Variants in SYNJ2 observed in about 807,000 individuals in gnomAD.
SYNJ2 encodes the protein polyphosphatidylinositol phosphatase SYNJ2.
In SYNJ2, 116 loss-of-function variants were observed where a neutral mutation model predicts 141.3. The observed-to-expected ratio is 0.82, with a 90% CI of 0.71 to 0.96. The LOEUF is 0.96. Ranked by LOEUF, SYNJ2 falls within the 40% of genes least tolerant of loss-of-function variation. SYNJ2 has a pLI of 0.00. For synonymous variants in SYNJ2, 745 were observed against 777.7 expected (o/e 0.96, Z 0.70); for missense variants, 1,873 against 1,934.8 (o/e 0.97, Z 0.60).
In SYNJ2 at chr6:158,070,772, A is replaced by T. The variant is rs186628148; in HGVS notation, c.1941-830A>T. ...GTGCTTGCAGCCCATGTTTCTATGG[A>T]CTCGTATGCGTCATAAGTGGGCATT... On this transcript the variant is annotated intron_variant, in intron 14 of 26. Transcript: ENST00000355585. The surrounding 1 kb of genome is among the most constrained non-coding windows in gnomAD (Gnocchi z 4.0). Among the ~76,000 whole-genome samples, 1 of 152,066 alleles carries T rather than the reference A, an allele frequency of 6.6e-6. No individual in the cohort carries two copies. The highest frequency in any genetic ancestry group is 2.1e-4 in the South Asian group (1 of 4,832).
In SYNJ2 at chr6:158,078,224, G is replaced by C; in HGVS notation, c.2510G>C (p.Trp837Ser). ...GTTGACACCAAAGTCAGACACACCT[G>C]GTCTCCTGGTGCCCTGCAGTATTAT... ...LDVDTKVRHTWSPGALQYYGR... is the reference protein window; with the variant it reads ...LDVDTKVRHTSSPGALQYYGR... Residue 837 changes from tryptophan (W) to serine (S), a missense_variant, in exon 18 of 27, where the codon TGG (tryptophan) becomes TCG (serine). Coordinates refer to ENST00000355585, the MANE Select transcript of SYNJ2 (RefSeq NM_003898.4). The C allele has an allele frequency of 6.2e-7, 1 of 1,614,084 alleles. No homozygotes were observed. The highest frequency in any genetic ancestry group is 8.5e-7 in the Non-Finnish European group (1 of 1,179,968).
Position 158,064,904 on chromosome 6 carries a change from G to T in SYNJ2, c.1438G>T (p.Ala480Ser), listed in dbSNP as rs781556792. 4 of 1,613,804 alleles carry T rather than the reference G, an allele frequency of 2.5e-6. 1 individual carries two copies. The South Asian group carries it at 3.3e-5, about 13-fold the overall frequency. Reference sequence around the variant, plus strand: ...CTTCTTCGACGGGGTGAAGCAGGAGGCCATCAAGCTGCTGCTGGTTGGGGA... The same window carrying T: ...CTTCTTCGACGGGGTGAAGCAGGAGTCCATCAAGCTGCTGCTGGTTGGGGA... ...SNFFDGVKQE[A>S]IKLLLVGDVY... Residue 480 changes from alanine to serine, a missense_variant, in exon 11 of 27, where the codon GCC (alanine) becomes TCC (serine). Transcript: ENST00000355585.
intron 1 of SYNJ2, among the ~76,000 whole-genome samples, chr6:158,000,788 C>T (rs1274964461): frequency 6.6e-6 from 1 of 152,130 alleles, no homozygotes; most frequent in Non-Finnish European, 1.5e-5. Flanking sequence ...CCAAGCTGGG[C>T]CTTCTCTTGA....
At chr6:158,081,633 TTTC>T (rs869252813) in intron 20 of SYNJ2, 123 bp downstream of exon 20, 3,666 of 245,076 alleles carry the variant, frequency 0.015, 315 homozygotes, top group Middle Eastern at 0.032. Flanking sequence ...TTTTTTTTTT[TTTC>T]TCTGAGACAA....
Position 158,081,468 on chromosome 6 carries a change from C to G in SYNJ2, c.2823C>G (p.Asp941Glu), listed in dbSNP as rs1158198126. 6.2e-7 allele frequency: 1 copy of G among 1,613,974 alleles called. No individual in the cohort carries two copies. The highest frequency in any genetic ancestry group is 2.2e-5 in the East Asian group (1 of 44,892). Residue 941 changes from aspartate (D) to glutamate (E), a missense_variant, in exon 20 of 27, where the codon GAC becomes GAG. Coordinates refer to ENST00000355585, the MANE Select transcript of SYNJ2 (RefSeq NM_003898.4). Reference sequence around the variant, plus strand: ...GGCAGATGCTGGTAACTTTTGCAGACAGTCACTCGGCTCTCAGTGTCCTGG... The same window carrying G: ...GGCAGATGCTGGTAACTTTTGCAGAGAGTCACTCGGCTCTCAGTGTCCTGG... Reference protein sequence around the residue: ...NQGQMLVTFADSHSALSVLDV... With the variant: ...NQGQMLVTFAESHSALSVLDV...
In SYNJ2 at chr6:158,095,715, C is replaced by T. The variant is rs1783757125; in HGVS notation, c.3842C>T (p.Pro1281Leu). The part of the protein sequence containing the change: ...SVEAPPVVTA[P>L]RVPPVPKPRT... The stretch of plus-strand genomic sequence containing the variant: ...GAGGCCCCTCCTGTCGTGACAGCCC[C>T]TCGAGTCCCTCCTGTTCCCAAACCA... Residue 1281 changes from proline (P) to leucine (L), a missense_variant, in exon 27 of 27, where the codon CCT (proline) becomes CTT (leucine). By Grantham distance (98) the Pro-to-Leu change is moderately conservative. Transcript: ENST00000355585. The T allele has an allele frequency of 2.5e-6, 4 of 1,613,920 alleles. No homozygotes were observed. The highest frequency in any genetic ancestry group is 2.5e-6 in the Non-Finnish European group (3 of 1,179,874).
intron 2 of SYNJ2, among the ~76,000 whole-genome samples, chr6:158,019,121 C>T (rs1223907406): frequency 1.3e-5 from 2 of 152,172 alleles, no homozygotes; most frequent in African/African-American, 4.8e-5. Flanking sequence ...TATCTGGGCC[C>T]CCAGGATGCC....
Position 158,081,232 on chromosome 6 carries a change from A to G in SYNJ2, c.2691A>G (p.Gln897=), listed in dbSNP as rs766598964. 14 of 1,614,042 alleles carry G rather than the reference A, an allele frequency of 8.7e-6. No homozygotes were observed. The highest frequency in any genetic ancestry group is 7.7e-5 in the South Asian group (7 of 91,086). The change falls in exon 19 of 27, where the codon CAA becomes CAG. Residue 897 remains glutamine, a synonymous_variant. Coordinates refer to ENST00000355585, the MANE Select transcript of SYNJ2 (RefSeq NM_003898.4). ...ATGCCACTGTTGTAGTAAACCTTCA[A>G]TCACCGACCTTAGAAGAGAAAAACG... The part of the protein sequence containing the change: ...PLDATVVVNL[Q]SPTLEEKNEF...
chr6:158,063,768 T>C (rs375353905), intron 8 of SYNJ2, 23 bp from the exon 9 acceptor site: 10 of 1,599,936 alleles, frequency 6.3e-6, no homozygotes, highest in Non-Finnish European at 8.5e-6. Flanking sequence ...CATATAACCG[T>C]TTACATTTCT....
intron 1 of SYNJ2, among the ~76,000 whole-genome samples, chr6:158,007,762 C>T (rs935938026): frequency 1.3e-5 from 2 of 152,188 alleles, no homozygotes; most frequent in African/African-American, 4.8e-5. Context: ...CCTGCCTCAG[C>T]CTCCTGAGTA....
Position 158,084,270 on chromosome 6 carries a change from C to G in SYNJ2, c.3208+96C>G. On this transcript the variant is annotated intron_variant, in intron 22 of 26. Coordinates refer to ENST00000355585, the MANE Select transcript of SYNJ2 (RefSeq NM_003898.4). This position sits in a 1 kb window ranked among gnomAD's most constrained non-coding sequence, Gnocchi z 5.0. ...TTGGCGATTGGGCACTGTGTGATAT[C>G]AAGTATGCAGGTCCCAGGAGAGACC... The G allele has an allele frequency of 7.2e-7, 1 of 1,390,374 alleles. No homozygotes were observed. The highest frequency in any genetic ancestry group is 9.8e-7 in the Non-Finnish European group (1 of 1,020,466). The allele number at this position is 1,390,374 out of a possible 1,614,324, so 86.1% of individuals were successfully genotyped here.
intron 8 of SYNJ2, 33 bp from the exon 9 acceptor site, chr6:158,063,758 C>T: frequency 2.0e-6 from 3 of 1,502,576 alleles, no homozygotes; most frequent in Non-Finnish European, 2.7e-6. Flanking sequence ...TTGAAAACAA[C>T]ATATAACCGT....
intron 17 of SYNJ2, among the ~76,000 whole-genome samples, chr6:158,077,060 A>C (rs756380950): frequency 6.7e-6 from 1 of 149,926 alleles, no homozygotes; most frequent in Non-Finnish European, 1.5e-5. Flanking sequence ...CAATGGCGTG[A>C]TCTTGGCTCA....
intron 7 of SYNJ2, among the ~76,000 whole-genome samples, chr6:158,059,807 G>A (rs967346193): frequency 6.6e-6 from 1 of 152,096 alleles, no homozygotes; most frequent in Non-Finnish European, 1.5e-5. Context: ...CACCCGCCTC[G>A]GCCTCCCAAA....
At chr6:158,060,431 A>G (rs1481699325) in intron 7 of SYNJ2, among the ~76,000 whole-genome samples, 1 of 152,182 alleles carries the variant, frequency 6.6e-6, no homozygotes, top group Admixed American at 6.5e-5. Context: ...CCCCTGCCTA[A>G]TAGAGAAAAA....
rs1227043682 is a variant in SYNJ2 at position 158,095,658 on chromosome 6, A to G, written c.3785A>G (p.His1262Arg). Reference protein sequence around the residue: ...PEEQFEQQTVHFTIGPPETSV... With the variant: ...PEEQFEQQTVRFTIGPPETSV... ...GAACAGTTTGAGCAACAGACTGTCC[A>G]TTTTACAATCGGGCCCCCGGAGACA... The change falls in exon 27 of 27, where the codon CAT becomes CGT. Residue 1262 changes from histidine to arginine, a missense_variant. His to Arg is a conservative substitution (Grantham distance 29, BLOSUM62 0). Transcript: ENST00000355585. 3.7e-6 allele frequency: 6 copies of G among 1,612,414 alleles called. No individual in the cohort carries two copies. The highest frequency in any genetic ancestry group is 5.1e-6 in the Non-Finnish European group (6 of 1,179,368).
At chr6:157,993,230 G>A (rs1031287100) in intron 1 of SYNJ2, among the ~76,000 whole-genome samples, 2 of 152,146 alleles carry the variant, frequency 1.3e-5, no homozygotes, top group African/African-American at 4.8e-5. Context: ...CATTGTAATT[G>A]GGGTAAGATG....
intron 1 of SYNJ2, among the ~76,000 whole-genome samples, chr6:158,000,715 C>T (rs1051366529): frequency 1.2e-4 from 19 of 152,126 alleles, no homozygotes; most frequent in Admixed American, 4.6e-4. Flanking sequence ...CACCCCTGAC[C>T]TACCCGCACC....
At chr6:158,038,164 C>T (rs752736379) in intron 4 of SYNJ2, among the ~76,000 whole-genome samples, 21 of 152,212 alleles carry the variant, frequency 1.4e-4, no homozygotes, top group Admixed American at 2.6e-4. Context: ...CCTCCACCTC[C>T]CTTCCTTGTC....
Sources: allele counts gnomAD v4.1 joint callset (sites outside exome capture counted in the v4.1 genomes callset), GRCh38; gene constraint gnomAD v4.1.1; non-coding constraint Gnocchi (gnomAD v3.1); transcripts MANE v1.5; gene names NCBI Gene and HGNC (gene_info 2026-07-23, HGNC 2026-07-21).